Variants in ITSN2 observed in about 807,000 individuals in gnomAD.
The protein encoded by ITSN2 is intersectin-2.
ITSN2 carries 156 observed loss-of-function variants against 243.7 expected under a neutral mutation model. The ratio of observed to expected loss-of-function variants is 0.64; its 90% CI spans 0.56 to 0.73. ITSN2 has a LOEUF of 0.73. Among genes scored for constraint, ITSN2 ranks in the 30% least tolerant of loss-of-function variants. The pLI is 0.00. For missense variants in ITSN2, 1,801 were observed against 1,996.1 expected, an observed-to-expected ratio of 0.90 and a Z score of 1.86; for synonymous variants, 703 against 699.9, an observed-to-expected ratio of 1.00 and a Z score of -0.07.
Position 24,203,505 on chromosome 2 carries a change from C to A in ITSN2, c.*121G>T. ...GTGTGCAGGAAAACAGAGCCCCCAG[C>A]GTGCATGGCTTTGTGAGGGGTGAAG... On this transcript the variant is annotated 3_prime_UTR_variant, in exon 40 of 40. Coordinates refer to ENST00000355123, the MANE Select transcript of ITSN2 (RefSeq NM_006277.3). The A allele has an allele frequency of 3.1e-6, 3 of 953,172 alleles. No individual in the cohort carries two copies. Among genetic ancestry groups the A allele is most frequent in the Non-Finnish European group, 4.6e-6 (3 of 654,706 alleles). 59.0% of individuals were successfully genotyped at this position (953,172 alleles called of 1,614,324 possible). A position where few individuals can be genotyped will look rare whatever the true frequency, so the allele number is the denominator to read the frequency against.
intron 19 of ITSN2, among the ~76,000 whole-genome samples, chr2:24,271,203 T>C (rs1677300452): frequency 6.6e-6 from 1 of 152,186 alleles, no homozygotes; most frequent in Non-Finnish European, 1.5e-5. Context: ...AAGAAAAATC[T>C]ATACATCTAT....
At chr2:24,238,312 G>A (rs1672375781) in intron 29 of ITSN2, among the ~76,000 whole-genome samples, 1 of 152,160 alleles carries the variant, frequency 6.6e-6, no homozygotes, top group Non-Finnish European at 1.5e-5. Flanking sequence ...CACCTGCTTA[G>A]CCTTATGTAA....
chr2:24,340,179 A>G (rs1267353484), intron 1 of ITSN2, among the ~76,000 whole-genome samples: 1 of 152,138 alleles, frequency 6.6e-6, no homozygotes, highest in African/African-American at 2.4e-5. Flanking sequence ...TTTAAAACAC[A>G]GTATAAAGTT....
chr2:24,275,475 T>C (rs72855420), intron 18 of ITSN2, among the ~76,000 whole-genome samples: 20,131 of 152,226 alleles, frequency 0.13, 1,908 homozygotes, highest in African/African-American at 0.27. Context: ...ACCCAGGTAG[T>C]AAGTGGAAGA....
intron 37 of ITSN2, 136 bp from the exon 38 acceptor site, chr2:24,205,433 G>T (rs1018013176): frequency 4.4e-6 from 3 of 679,368 alleles, no homozygotes; most frequent in Non-Finnish European, 5.1e-6. Context: ...GCATCTGGCT[G>T]CCCTGTGCCT....
In ITSN2 at chr2:24,307,833, G is replaced by A. The variant is rs544920147; in HGVS notation, c.793+784C>T. 2.0e-5 allele frequency among the ~76,000 whole-genome samples: 3 copies of A among 152,166 alleles called. No homozygotes were observed. The South Asian group carries it at 6.2e-4, about 32-fold the overall frequency. ...AATTTCTCCTTTGTCACCATCAAAT[G>A]CCCCCACGTTCAATCTCTGTCGAAA... On this transcript the variant is annotated intron_variant, in intron 8 of 39. Coordinates refer to ENST00000355123, the MANE Select transcript of ITSN2 (RefSeq NM_006277.3).
chr2:24,313,501 G>A lies in ITSN2; in HGVS notation c.147C>T (p.Phe49=), dbSNP rs866369848. ...CAGGGGCCGGCAGACCTGATTGTAG[G>A]AAAAAATTACGTGCTTGATCACCTG... is the stretch of plus-strand genomic sequence containing the variant. ...YITGDQARNF[F]LQSGLPAPVL... The change falls in exon 4 of 40, where the codon TTC becomes TTT. Residue 49 remains phenylalanine (F), a synonymous_variant. Coordinates refer to ENST00000355123, the MANE Select transcript of ITSN2 (RefSeq NM_006277.3). 1 of 1,612,742 alleles carries A rather than the reference G, an allele frequency of 6.2e-7. No homozygotes were observed. The highest frequency in any genetic ancestry group is 1.7e-5 in the Admixed American group (1 of 59,936).
chr2:24,214,945 A>G (rs1347943371), intron 32 of ITSN2, among the ~76,000 whole-genome samples: 1 of 152,246 alleles, frequency 6.6e-6, no homozygotes, highest in Non-Finnish European at 1.5e-5. Flanking sequence ...GCAAGAAAAC[A>G]GATTTTACTT....
chr2:24,254,321 G>C, intron 24 of ITSN2, 46 bp downstream of exon 24: 1 of 1,235,062 alleles, frequency 8.1e-7, no homozygotes, highest in Middle Eastern at 1.9e-4. Context: ...AGTTAGTCAA[G>C]AGCTAAATTG....
chr2:24,272,314 G>A (rs1677464741), intron 18 of ITSN2, among the ~76,000 whole-genome samples: 1 of 151,804 alleles, frequency 6.6e-6, no homozygotes, highest in Non-Finnish European at 1.5e-5. Flanking sequence ...CCAGATATTT[G>A]ACAAGAACTG....
chr2:24,340,747 A>T (rs1424958054), intron 1 of ITSN2, among the ~76,000 whole-genome samples: 1 of 152,084 alleles, frequency 6.6e-6, no homozygotes, highest in Non-Finnish European at 1.5e-5. Context: ...AAAAAAGGAA[A>T]AAAAACACAC....
At chr2:24,280,295 C>T (rs1678608165) in intron 17 of ITSN2, among the ~76,000 whole-genome samples, 1 of 152,184 alleles carries the variant, frequency 6.6e-6, no homozygotes, top group Non-Finnish European at 1.5e-5. Context: ...GAACTAAGTG[C>T]CTGTCCTGCT....
chr2:24,226,577 G>C (rs1335387720), intron 29 of ITSN2, among the ~76,000 whole-genome samples: 1 of 152,148 alleles, frequency 6.6e-6, no homozygotes, highest in Non-Finnish European at 1.5e-5. Context: ...GATCACTTGA[G>C]GTCAGGAGTT....
chr2:24,218,026 CAT>C lies in ITSN2; in HGVS notation c.3700-15_3700-14del. The C allele has an allele frequency of 3.8e-6, 6 of 1,580,638 alleles. No individual in the cohort carries two copies. Among genetic ancestry groups the C allele is most frequent in the East Asian group, 4.5e-5 (2 of 44,726 alleles). Reference sequence around the variant, plus strand: ...GTTTCTGAAAAACCTAAAGTCAAAACATAGAAAAACTAGTTAGCTTAAGTGTG... The same window carrying C: ...GTTTCTGAAAAACCTAAAGTCAAAACAGAAAAACTAGTTAGCTTAAGTGTG... On this transcript the variant is annotated splice_polypyrimidine_tract_variant and intron_variant, in intron 30 of 39. Transcript: ENST00000355123.
intron 12 of ITSN2, 63 bp from the exon 13 acceptor site, chr2:24,298,877 G>A: frequency 1.4e-6 from 2 of 1,472,972 alleles, no homozygotes; most frequent in Admixed American, 2.1e-5. Context: ...TTCAAAAACT[G>A]GGAAGACAAC....
chr2:24,293,818 A>C, intron 14 of ITSN2, 43 bp from the exon 15 acceptor site: 1 of 603,994 alleles, frequency 1.7e-6, no homozygotes, highest in Non-Finnish European at 2.9e-6. Context: ...ATGTTATAAT[A>C]TTGTCCAAGA....
In ITSN2 at chr2:24,206,449, G is replaced by A. The variant is rs557074473; in HGVS notation, c.4679-1152C>T. On this transcript the variant is annotated intron_variant, in intron 37 of 39. Transcript: ENST00000355123. The stretch of plus-strand genomic sequence containing the variant: ...CTGGCTCAGAGCACAGGCCCCCTGT[G>A]GGGTGGAGGCCACAGGCTGGCCTGG... 4.6e-5 allele frequency among the ~76,000 whole-genome samples: 7 copies of A among 151,496 alleles called. No homozygotes were observed. In the South Asian group the frequency reaches 1.5e-3, roughly 32 times the overall value.
At chr2:24,311,060 A>AAT (rs1683202162) in intron 5 of ITSN2, among the ~76,000 whole-genome samples, 1 of 145,474 alleles carries the variant, frequency 6.9e-6, no homozygotes, top group African/African-American at 2.8e-5. Flanking sequence ...TTACTTGACT[A>AAT]ATACACACAC....
chr2:24,291,106 T>C (rs147369054), intron 15 of ITSN2, among the ~76,000 whole-genome samples: 28 of 152,284 alleles, frequency 1.8e-4, no homozygotes, highest in African/African-American at 5.5e-4. Context: ...GAACATAAAA[T>C]GTCTCTAATT....
Sources: allele counts gnomAD v4.1 joint callset (sites outside exome capture counted in the v4.1 genomes callset), GRCh38; gene constraint gnomAD v4.1.1; transcripts MANE v1.5; gene names NCBI Gene and HGNC (gene_info 2026-07-23, HGNC 2026-07-21).